The following TFR2 variants were observed in gnomAD, a reference collection of about 807,000 sequenced individuals.
TFR2 encodes transferrin receptor 2.
A neutral mutation model predicts 91.9 loss-of-function variants in TFR2; 64 were observed. The ratio of observed to expected loss-of-function variants is 0.70; its 90% CI spans 0.57 to 0.86. The LOEUF (loss-of-function observed/expected upper bound fraction) is 0.86, where lower values mean the gene tolerates loss of function less well. Ranked by LOEUF, TFR2 falls within the 40% of genes least tolerant of loss-of-function variation. The pLI, the probability that TFR2 is intolerant of heterozygous loss-of-function variation, is 0.00. For missense variants in TFR2, 950 were observed against 1,080.5 expected (o/e 0.88, Z 1.69); for synonymous variants, 454 against 459.6 (o/e 0.99, Z 0.15).
intron 3 of TFR2, among the ~76,000 whole-genome samples, chr7:100,635,612 A>AT (rs1026993143): frequency 1.3e-4 from 20 of 150,978 alleles, no homozygotes; most frequent in South Asian, 2.1e-4. Flanking sequence ...TGCCCAGCTA[A>AT]TTTTTTTTGT....
In TFR2 at chr7:100,620,590, A is replaced by G; in HGVS notation, c.*267T>C. 1 of 441,014 alleles carries G rather than the reference A, an allele frequency of 2.3e-6. No individual in the cohort carries two copies. Among genetic ancestry groups the G allele is most frequent in the African/African-American group, 2.0e-5 (1 of 50,604 alleles). 27.3% of individuals were successfully genotyped at this position (441,014 alleles called of 1,614,324 possible). A position where few individuals can be genotyped will look rare whatever the true frequency, so the allele number is the denominator to read the frequency against. ...GGTCTCTAGGTATGGAGGACCCCAG[A>G]AAGGGGAAGGGGCTGTGATTGAAGG... is the stretch of plus-strand genomic sequence containing the variant. On this transcript the variant is annotated 3_prime_UTR_variant, in exon 18 of 18. Coordinates refer to ENST00000223051, the MANE Select transcript of TFR2 (RefSeq NM_003227.4).
Position 100,633,211 on chromosome 7 carries a change from C to A in TFR2, c.726+18G>T. The A allele has an allele frequency of 1.2e-6, 2 of 1,613,274 alleles. No homozygotes were observed. The highest frequency in any genetic ancestry group is 1.7e-6 in the Non-Finnish European group (2 of 1,179,732). ...CTCGTGCCGCGCCCCATCCTAGGAG[C>A]GGGCAGGGGGTGCTCACCGTGACGT... is the stretch of plus-strand genomic sequence containing the variant. On this transcript the variant is annotated intron_variant, in intron 5 of 17. Transcript: ENST00000223051.
In TFR2 at chr7:100,631,862, G is replaced by C; in HGVS notation, c.1050C>G (p.Gly350=). 6.2e-7 allele frequency: 1 copy of C among 1,613,994 alleles called. No individual in the cohort carries two copies. The highest frequency in any genetic ancestry group is 8.5e-7 in the Non-Finnish European group (1 of 1,179,990). Residue 350 remains glycine (G), a synonymous_variant, in exon 8 of 18, where the codon GGC becomes GGG. Coordinates refer to ENST00000223051, the MANE Select transcript of TFR2 (RefSeq NM_003227.4). ...QTQFPPVASS[G]LPSIPAQPIS... is the part of the protein sequence containing the mutation. ...TGGGCTGGGCTGGGATGCTGGGAAG[G>C]CCTGATGATGCAACTGGAGGGAACT...
chr7:100,624,728 G>A (rs980495724), intron 17 of TFR2, among the ~76,000 whole-genome samples: 7 of 152,082 alleles, frequency 4.6e-5, no homozygotes, highest in African/African-American at 1.7e-4. Context: ...TTAGCGGAGT[G>A]TGGTAGTGTG....
At chr7:100,625,517 A>G (rs1461954009) in intron 17 of TFR2, among the ~76,000 whole-genome samples, 1 of 152,136 alleles carries the variant, frequency 6.6e-6, no homozygotes, top group African/African-American at 2.4e-5. Flanking sequence ...CTATTGCCTC[A>G]CCCCAGGGTC....
chr7:100,635,896 C>G (rs140827415), intron 3 of TFR2, among the ~76,000 whole-genome samples: 1 of 152,114 alleles, frequency 6.6e-6, no homozygotes, highest in Non-Finnish European at 1.5e-5. Context: ...CCACACTGAG[C>G]CTCACATCCT....
At chr7:100,641,391 G>T in intron 1 of TFR2, 86 bp downstream of exon 1, 1 of 1,575,054 alleles carries the variant, frequency 6.3e-7, no homozygotes. Context: ...ACACGGTCCA[G>T]GAGGGGCCAG....
chr7:100,633,186 C>A lies in TFR2; in HGVS notation c.726+43G>T, dbSNP rs767355097. On this transcript the variant is annotated intron_variant, in intron 5 of 17. Transcript: ENST00000223051. ...CCCTCCTTCGAGACCCAGGAAAGGG[C>A]TCGTGCCGCGCCCCATCCTAGGAGC... is the stretch of plus-strand genomic sequence containing the variant. 5 of 1,613,078 alleles carry A rather than the reference C, an allele frequency of 3.1e-6. No homozygotes were observed. The African/African-American group carries it at 5.3e-5, about 17-fold the overall frequency.
chr7:100,632,951 G>C (rs1425416592), intron 6 of TFR2, 50 bp downstream of exon 6: 2 of 1,613,186 alleles, frequency 1.2e-6, no homozygotes, highest in Admixed American at 1.7e-5. Context: ...CTGGCAGTCC[G>C]ACCCTCCGGT....
chr7:100,634,723 C>T (rs115277650), intron 3 of TFR2, among the ~76,000 whole-genome samples: 237 of 152,302 alleles, frequency 1.6e-3, no homozygotes, highest in African/African-American at 5.3e-3. Context: ...CCATCTTTCC[C>T]TTCCTCCAAG....
chr7:100,623,887 CAAAA>C (rs36052130), intron 17 of TFR2, among the ~76,000 whole-genome samples: 3 of 96,474 alleles, frequency 3.1e-5, no homozygotes, highest in Non-Finnish European at 1.9e-5. Flanking sequence ...CCTTCTCTAC[CAAAA>C]AAAAAAAAAA....
At chr7:100,630,098 T>C (rs1454211888) in intron 9 of TFR2, among the ~76,000 whole-genome samples, 1 of 152,140 alleles carries the variant, frequency 6.6e-6, no homozygotes, top group African/African-American at 2.4e-5. Context: ...GCCCCATCTG[T>C]CAATTACTTA....
At chr7:100,635,063 T>G (rs956097633) in intron 3 of TFR2, among the ~76,000 whole-genome samples, 19 of 151,748 alleles carry the variant, frequency 1.3e-4, no homozygotes, top group African/African-American at 4.3e-4. Context: ...CTCAGCCTCC[T>G]GAGTAGCTAG....
At chr7:100,627,138 G>T in intron 16 of TFR2, 126 bp downstream of exon 16, 3 of 1,273,184 alleles carry the variant, frequency 2.4e-6, no homozygotes, top group Non-Finnish European at 2.2e-6. Context: ...GGAGGCAGGG[G>T]GTTAATGGGC....
chr7:100,627,858 C>T (rs201746674), intron 13 of TFR2, 38 bp from the exon 14 acceptor site: 45 of 1,613,972 alleles, frequency 2.8e-5, no homozygotes, highest in Non-Finnish European at 3.7e-5. Flanking sequence ...GGCTCTGCTC[C>T]TCCCCGCAAC....
chr7:100,633,653 G>A (rs1803515639), intron 3 of TFR2, 97 bp from the exon 4 acceptor site: 3 of 1,465,236 alleles, frequency 2.0e-6, no homozygotes, highest in Non-Finnish European at 2.7e-6. Flanking sequence ...GGGCAGGGGC[G>A]GCGAGGGGTT....
intron 15 of TFR2, 28 bp downstream of exon 15, chr7:100,627,549 T>A (rs377756098): frequency 6.2e-7 from 1 of 1,613,898 alleles, no homozygotes. Flanking sequence ...ACTAGCGCTG[T>A]GTCTGGGGCA....
chr7:100,621,442 C>T (rs367993112), intron 17 of TFR2, among the ~76,000 whole-genome samples: 1 of 152,070 alleles, frequency 6.6e-6, no homozygotes. Context: ...TGAGTAGAGA[C>T]GGGGTTTCTC....
intron 9 of TFR2, among the ~76,000 whole-genome samples, chr7:100,629,999 C>CTGGAA (rs964522759): frequency 3.3e-5 from 5 of 152,178 alleles, no homozygotes; most frequent in Admixed American, 6.5e-5. Flanking sequence ...CCACCTCGGC[C>CTGGAA]TTCCAAAGTG....
Sources: gnomAD v4.1 joint callset for allele counts (sites outside exome capture counted in the v4.1 genomes callset) on GRCh38, gnomAD v4.1.1 for gene constraint, MANE v1.5 for transcripts, NCBI Gene and HGNC (gene_info 2026-07-23, HGNC 2026-07-21) for gene names.